Variants in NRCAM observed in about 807,000 individuals in gnomAD.
NRCAM encodes the protein NgCAM-related cell adhesion molecule.
Under a neutral mutation model 156.5 loss-of-function variants are expected in NRCAM, and 83 were observed. The ratio of observed to expected loss-of-function variants is 0.53; its 90% CI spans 0.44 to 0.64. The LOEUF (loss-of-function observed/expected upper bound fraction) is 0.64, where lower values mean the gene tolerates loss of function less well. NRCAM is among the 30% of genes least tolerant of loss of function. The pLI is 0.00. For synonymous variants in NRCAM, 538 were observed against 563.9 expected (o/e 0.95, Z 0.65); for missense variants, 1,417 against 1,597.3 (o/e 0.89, Z 1.92).
At chr7:108,394,095 T>C (rs1205329521) in intron 2 of NRCAM, among the ~76,000 whole-genome samples, 1 of 152,184 alleles carries the variant, frequency 6.6e-6, no homozygotes, top group Non-Finnish European at 1.5e-5. Context: ...AGAGCCTTTG[T>C]GTTCCCAAGT....
intron 11 of NRCAM, among the ~76,000 whole-genome samples, chr7:108,212,521 T>C (rs981463857): frequency 5.9e-5 from 9 of 151,822 alleles, no homozygotes; most frequent in East Asian, 1.9e-4. Context: ...AAGGGAGAAA[T>C]AGTCTAGGAA....
chr7:108,180,486 C>T, intron 24 of NRCAM, 59 bp from the exon 25 acceptor site: 1 of 1,373,478 alleles, frequency 7.3e-7, no homozygotes, highest in Non-Finnish European at 1.0e-6. Context: ...ATTCCTTATG[C>T]TCACAAAATT....
At chr7:108,186,347 G>GACA (rs1373582732) in intron 20 of NRCAM, among the ~76,000 whole-genome samples, 1 of 152,136 alleles carries the variant, frequency 6.6e-6, no homozygotes, top group Admixed American at 6.5e-5. Flanking sequence ...GGTTGTCCAT[G>GACA]ACAGCATCTC....
intron 11 of NRCAM, among the ~76,000 whole-genome samples, chr7:108,214,524 T>G (rs2086751572): frequency 6.6e-6 from 1 of 152,160 alleles, no homozygotes; most frequent in Admixed American, 6.5e-5. Context: ...TGGCTAGTGG[T>G]CTATTTTGTT....
intron 30 of NRCAM, among the ~76,000 whole-genome samples, chr7:108,162,656 G>A (rs2049932204): frequency 6.6e-6 from 1 of 152,200 alleles, no homozygotes; most frequent in Non-Finnish European, 1.5e-5. Flanking sequence ...TGTTTGATGG[G>A]TGGTACACAA....
At chr7:108,187,964 A>AG (rs1208163813) in intron 20 of NRCAM, among the ~76,000 whole-genome samples, 4 of 152,124 alleles carry the variant, frequency 2.6e-5, no homozygotes, top group African/African-American at 9.7e-5. Flanking sequence ...CAAAAAAAAA[A>AG]GAAGTGCAAG....
chr7:108,277,642 T>A (rs1424713390), intron 3 of NRCAM, among the ~76,000 whole-genome samples: 1 of 152,102 alleles, frequency 6.6e-6, no homozygotes, highest in African/African-American at 2.4e-5. Context: ...TCATCTAAGC[T>A]TTTTTCAAGG....
At chr7:108,229,693 C>G (rs556584717) in intron 8 of NRCAM, among the ~76,000 whole-genome samples, 2 of 152,274 alleles carry the variant, frequency 1.3e-5, no homozygotes, top group East Asian at 3.9e-4. Flanking sequence ...CCTTCTGACT[C>G]AGGTATCTCT....
At chr7:108,226,133 T>C in intron 9 of NRCAM, 75 bp downstream of exon 9, 2 of 1,036,836 alleles carry the variant, frequency 1.9e-6, no homozygotes, top group Non-Finnish European at 2.8e-6. Flanking sequence ...AAGTCAGTAG[T>C]ATATAATAGT....
intron 30 of NRCAM, among the ~76,000 whole-genome samples, chr7:108,163,162 T>A (rs184472599): frequency 0.011 from 1,733 of 152,258 alleles, 20 homozygotes; most frequent in Non-Finnish European, 0.013. Flanking sequence ...TGATTTTTTT[T>A]AACAATAAAA....
At chr7:108,384,158 TG>T (rs1487073479) in intron 2 of NRCAM, among the ~76,000 whole-genome samples, 2 of 152,128 alleles carry the variant, frequency 1.3e-5, no homozygotes, top group African/African-American at 4.8e-5. Context: ...GCTTAATACC[TG>T]GGTGATGAAA....
At chr7:108,319,823 G>T (rs1178376882) in intron 2 of NRCAM, among the ~76,000 whole-genome samples, 1 of 152,168 alleles carries the variant, frequency 6.6e-6, no homozygotes, top group East Asian at 1.9e-4. Context: ...GGATAAGAGG[G>T]ACAGGTCTGA....
intron 30 of NRCAM, among the ~76,000 whole-genome samples, chr7:108,163,798 CGGGTGGGGTGGCGGT>C: frequency 8.0e-6 from 1 of 125,732 alleles, no homozygotes; most frequent in Non-Finnish European, 1.6e-5. Context: ...GAGGTCATAC[CGGGTGGGGTGGCGGT>C]AATGAGAGGT....
At chr7:108,167,139 CAAGA>C in intron 29 of NRCAM, 66 bp from the exon 30 acceptor site, 1 of 1,246,118 alleles carries the variant, frequency 8.0e-7, no homozygotes, top group Non-Finnish European at 1.1e-6. Context: ...CTTAATGCTT[CAAGA>C]AAGGAAAATT....
intron 5 of NRCAM, among the ~76,000 whole-genome samples, chr7:108,236,330 T>A (rs1038654662): frequency 6.6e-6 from 1 of 152,156 alleles, no homozygotes; most frequent in Non-Finnish European, 1.5e-5. Context: ...CTGTCATCAT[T>A]TATTGTGTAC....
intron 3 of NRCAM, among the ~76,000 whole-genome samples, chr7:108,256,843 C>T (rs2096688537): frequency 6.6e-6 from 1 of 151,738 alleles, no homozygotes; most frequent in Non-Finnish European, 1.5e-5. Context: ...CGGCAGAACC[C>T]AGTCTCTACT....
At chr7:108,302,364 T>C (rs1387487541) in intron 3 of NRCAM, among the ~76,000 whole-genome samples, 1 of 152,138 alleles carries the variant, frequency 6.6e-6, no homozygotes, top group Non-Finnish European at 1.5e-5. Context: ...AGATGACTGA[T>C]GGCATGAATT....
chr7:108,271,817 C>G (rs1044840475), intron 3 of NRCAM, among the ~76,000 whole-genome samples: 1 of 152,048 alleles, frequency 6.6e-6, no homozygotes, highest in Admixed American at 6.6e-5. Flanking sequence ...ACTGTTAAAA[C>G]TTCTTGGGAG....
intron 2 of NRCAM, among the ~76,000 whole-genome samples, chr7:108,347,030 C>CTTTTTT (rs1563365643): frequency 3.4e-5 from 3 of 88,046 alleles, no homozygotes; most frequent in South Asian, 4.0e-4. Context: ...TATTATATTT[C>CTTTTTT]TGTTTTTTTT....
Sources: allele counts gnomAD v4.1 joint callset (sites outside exome capture counted in the v4.1 genomes callset), GRCh38; gene constraint gnomAD v4.1.1; transcripts MANE v1.5; gene names NCBI Gene and HGNC (gene_info 2026-07-23, HGNC 2026-07-21).